Variants in VAMP7 observed in about 807,000 individuals in gnomAD.
The protein encoded by VAMP7 is vesicle associated membrane protein 7.
VAMP7 carries 14 observed loss-of-function variants against 29.6 expected under a neutral mutation model. The ratio of observed to expected loss-of-function variants is 0.47; its 90% CI spans 0.31 to 0.74. The LOEUF (loss-of-function observed/expected upper bound fraction) is 0.74, where lower values mean the gene tolerates loss of function less well. Ranked by LOEUF, VAMP7 falls within the 30% of genes least tolerant of loss-of-function variation. The probability of loss-of-function intolerance (pLI) is 0.05; values close to 1 mark genes in which losing one functional copy is unlikely to be tolerated. For missense variants in VAMP7, 223 were observed against 262.4 expected, an observed-to-expected ratio of 0.85 and a Z score of 1.04; for synonymous variants, 95 against 88.1, an observed-to-expected ratio of 1.08 and a Z score of -0.44.
At chrX:155,932,365 G>A (rs938698543) in intron 6 of VAMP7, among the ~76,000 whole-genome samples, 1 of 152,080 alleles carries the variant, frequency 6.6e-6, no homozygotes, top group African/African-American at 2.4e-5. Flanking sequence ...CCATTTGTTT[G>A]TGTCCTCTTT....
Position 155,898,155 on chromosome X carries a change from AG to A in VAMP7, c.249del (p.Lys84ArgfsTer19). On this transcript the variant is annotated frameshift_variant, in exon 4 of 8. Transcript: ENST00000286448. LOFTEE classifies it high-confidence loss of function. ...GCCTTTAATTTTCTGAATGAGATAA[AG>A]AAGAGGTTCCAGACTACTTACGGTT... ...SRAFNFLNEI[K>X]KRFQTTYGSR... 2 of 1,613,606 alleles carry A rather than the reference AG, an allele frequency of 1.2e-6. No homozygotes were observed. Among genetic ancestry groups the A allele is most frequent in the Non-Finnish European group, 1.7e-6 (2 of 1,179,622 alleles).
At chrX:155,930,666 T>G (rs1053475241) in intron 6 of VAMP7, among the ~76,000 whole-genome samples, 1 of 150,566 alleles carries the variant, frequency 6.6e-6, no homozygotes, top group African/African-American at 2.4e-5. Flanking sequence ...AAAAAAAAAT[T>G]TTTTTTCTTT....
chrX:155,885,456 G>A (rs760933967), intron 1 of VAMP7, among the ~76,000 whole-genome samples: 66 of 152,308 alleles, frequency 4.3e-4, no homozygotes, highest in Non-Finnish European at 2.4e-4. Flanking sequence ...AAGATCAGGT[G>A]TAGTATCAGT....
In VAMP7 at chrX:155,914,938, T is replaced by C. The variant is rs191761595; in HGVS notation, c.434-4875T>C. 3.9e-5 allele frequency among the ~76,000 whole-genome samples: 6 copies of C among 152,324 alleles called. No individual in the cohort carries two copies. In the East Asian group the frequency reaches 1.2e-3, roughly 29 times the overall value. ...TTTGGAATAGTTTCAGAAGGAATGG[T>C]ACCAGCTCCTCTTTATACCTCTGGT... is the stretch of plus-strand genomic sequence containing the variant. On this transcript the variant is annotated intron_variant, in intron 5 of 7. Coordinates refer to ENST00000286448, the MANE Select transcript of VAMP7 (RefSeq NM_005638.6).
At chrX:155,885,061 T>G (rs2065849416) in intron 1 of VAMP7, among the ~76,000 whole-genome samples, 1 of 152,212 alleles carries the variant, frequency 6.6e-6, no homozygotes, top group Non-Finnish European at 1.5e-5. Flanking sequence ...TTTTATTAAC[T>G]TTTAATTTAG....
chrX:155,887,842 G>A (rs2065882681), intron 1 of VAMP7, among the ~76,000 whole-genome samples: 2 of 151,332 alleles, frequency 1.3e-5, no homozygotes, highest in African/African-American at 4.9e-5. Context: ...GAGGTAGGAG[G>A]ATCACTTGAG....
chrX:155,893,311 T>G (rs2065947098), intron 2 of VAMP7, among the ~76,000 whole-genome samples: 1 of 151,998 alleles, frequency 6.6e-6, no homozygotes, highest in South Asian at 2.1e-4. Flanking sequence ...AGGAGATAGG[T>G]CAGATGGAGA....
chrX:155,927,360 A>C (rs2066482893), intron 6 of VAMP7, among the ~76,000 whole-genome samples: 1 of 151,318 alleles, frequency 6.6e-6, no homozygotes, highest in Admixed American at 6.6e-5. Flanking sequence ...CTAGAACTTA[A>C]AGTATAATAA....
intron 5 of VAMP7, among the ~76,000 whole-genome samples, chrX:155,916,239 C>T (rs1192750170): frequency 6.6e-6 from 1 of 151,966 alleles, no homozygotes; most frequent in Non-Finnish European, 1.5e-5. Context: ...TATTTTGAGC[C>T]TGTGTGTGTC....
rs746909609 is a variant in VAMP7 at position 155,935,433 on chromosome X, G to A, written c.502-4268G>A. Among the ~76,000 whole-genome samples the A allele has an allele frequency of 4.0e-5, 6 of 151,708 alleles. No homozygotes were observed. In the East Asian group the frequency reaches 5.8e-4, roughly 15 times the overall value. ...CTTTTTTCTCTAAACTTCTCTTCTCGCTTCATTTCATTCATTTGGTCTTCA... is the reference window on the plus strand; with the variant it reads ...CTTTTTTCTCTAAACTTCTCTTCTCACTTCATTTCATTCATTTGGTCTTCA... On this transcript the variant is annotated intron_variant, in intron 6 of 7. Transcript: ENST00000286448.
intron 6 of VAMP7, among the ~76,000 whole-genome samples, chrX:155,935,756 C>T (rs1156258493): frequency 6.6e-6 from 1 of 152,134 alleles, no homozygotes; most frequent in Non-Finnish European, 1.5e-5. Context: ...AGCTGCGTTC[C>T]TTTGGAGGAG....
chrX:155,898,842 A>G (rs1167141106), intron 4 of VAMP7, among the ~76,000 whole-genome samples: 1 of 152,090 alleles, frequency 6.6e-6, no homozygotes, highest in Non-Finnish European at 1.5e-5. Context: ...CTTTCATAGA[A>G]CTTTCTGTAA....
intron 5 of VAMP7, among the ~76,000 whole-genome samples, chrX:155,902,005 C>T (rs1231527082): frequency 2.0e-5 from 3 of 152,038 alleles, no homozygotes; most frequent in Non-Finnish European, 4.4e-5. Context: ...TACCCATGAA[C>T]ATGGAATGTT....
intron 5 of VAMP7, among the ~76,000 whole-genome samples, chrX:155,913,904 T>G (rs2066274006): frequency 6.6e-6 from 1 of 152,204 alleles, no homozygotes; most frequent in Admixed American, 6.5e-5. Context: ...TTTCTAATTC[T>G]GTGAAGAAAG....
chrX:155,904,260 C>T (rs1439155123), intron 5 of VAMP7, among the ~76,000 whole-genome samples: 2 of 150,780 alleles, frequency 1.3e-5, no homozygotes, highest in African/African-American at 2.4e-5. Context: ...TGCTAAATGA[C>T]GAGTTAATGG....
intron 6 of VAMP7, among the ~76,000 whole-genome samples, chrX:155,923,623 GTTT>G (rs909831274): frequency 6.6e-6 from 1 of 151,204 alleles, no homozygotes. Context: ...TTTATCATTG[GTTT>G]TAAGAAATTT....
chrX:155,885,853 A>T (rs1435747795), intron 1 of VAMP7, among the ~76,000 whole-genome samples: 1 of 152,196 alleles, frequency 6.6e-6, no homozygotes, highest in Admixed American at 6.5e-5. Flanking sequence ...CCCTGCCAAC[A>T]TCTTGATTTT....
intron 1 of VAMP7, among the ~76,000 whole-genome samples, chrX:155,881,809 C>G (rs746157613): frequency 9.9e-5 from 15 of 152,260 alleles, no homozygotes; most frequent in Non-Finnish European, 1.5e-5. Context: ...GATGACGTCA[C>G]TTTCTGCTTC....
intron 1 of VAMP7, among the ~76,000 whole-genome samples, chrX:155,882,894 C>G (rs1300197048): frequency 6.6e-6 from 1 of 152,180 alleles, no homozygotes; most frequent in East Asian, 1.9e-4. Context: ...GAGAAATAAT[C>G]CTAACAGTAT....
Sources: allele counts gnomAD v4.1 joint callset (sites outside exome capture counted in the v4.1 genomes callset), GRCh38; gene constraint gnomAD v4.1.1; transcripts MANE v1.5; gene names NCBI Gene and HGNC (gene_info 2026-07-23, HGNC 2026-07-21).